EAPP: variants seen among roughly 807,000 people sequenced by gnomAD.
EAPP encodes the protein E2F associated phosphoprotein.
A neutral mutation model predicts 34.3 loss-of-function variants in EAPP; 38 were observed. That is an observed-to-expected ratio of 1.11 (90% confidence interval 0.85 to 1.45). The LOEUF (loss-of-function observed/expected upper bound fraction) is 1.45, where lower values mean the gene tolerates loss of function less well. EAPP is among the 40% of genes most tolerant of loss of function. EAPP has a pLI of 0.00. For missense variants in EAPP, 338 were observed against 343.7 expected (o/e 0.98, Z 0.13); for synonymous variants, 113 against 117.6 (o/e 0.96, Z 0.25).
intron 5 of EAPP, among the ~76,000 whole-genome samples, chr14:34,523,476 C>T (rs1010880915): frequency 5.3e-5 from 8 of 151,246 alleles, no homozygotes; most frequent in Non-Finnish European, 8.8e-5. Context: ...CCGCCCACCT[C>T]GGTCTCCCAA....
chr14:34,524,659 G>GTGTGTGTA (rs778166030), intron 5 of EAPP, 38 bp downstream of exon 5: 2 of 805,732 alleles, frequency 2.5e-6, no homozygotes, highest in South Asian at 3.1e-5. Flanking sequence ...AAATATGTAT[G>GTGTGTGTA]TGTGTGTGTG....
At chr14:34,519,533 CAAAA>C (rs879761615) in intron 5 of EAPP, among the ~76,000 whole-genome samples, 1 of 113,490 alleles carries the variant, frequency 8.8e-6, no homozygotes, top group East Asian at 2.5e-4. Context: ...GACTCCCTCT[CAAAA>C]AAAAAAAAAA....
At chr14:34,528,389 TA>T (rs1481512448) in intron 4 of EAPP, among the ~76,000 whole-genome samples, 2 of 145,500 alleles carry the variant, frequency 1.4e-5, no homozygotes, top group Non-Finnish European at 3.0e-5. Context: ...AACAATTTGC[TA>T]AATCCACTCT....
intron 3 of EAPP, among the ~76,000 whole-genome samples, chr14:34,530,718 T>C (rs551085079): frequency 2.6e-5 from 4 of 151,664 alleles, no homozygotes; most frequent in Admixed American, 6.6e-5. Context: ...AAATTATTTA[T>C]GATGTATGAA....
chr14:34,530,509 A>G (rs28367910), intron 3 of EAPP, among the ~76,000 whole-genome samples: 52,740 of 152,032 alleles, frequency 0.35, 9,437 homozygotes, highest in Non-Finnish European at 0.4. Flanking sequence ...GAGACTGGGT[A>G]AGAGTGAGAC....
In EAPP at chr14:34,537,890, T is replaced by C. The variant is rs74845353; in HGVS notation, c.75-1615A>G. Among the ~76,000 whole-genome samples, 893 of 152,316 alleles carry C rather than the reference T, an allele frequency of 5.9e-3. 5 individuals carry two copies. The highest frequency in any genetic ancestry group is 0.02 in the African/African-American group (823 of 41,562). ...GTTAACAGGCTACAATGTATTAGTT[T>C]ATAAACAGTGTAAAATTAAATACTG... On this transcript the variant is annotated intron_variant, in intron 1 of 5. Coordinates refer to ENST00000250454, the MANE Select transcript of EAPP (RefSeq NM_018453.4).
chr14:34,533,321 C>CTGTAATGAAATT lies in EAPP; in HGVS notation c.352+122_352+123insAATTTCATTACA, dbSNP rs1880356376. The stretch of plus-strand genomic sequence containing the variant: ...AAGTGCTGCCATTACAGGTGTGAGC[C>CTGTAATGAAATT]ACCATGCCTAGCTGTAATTTCTTAA... On this transcript the variant is annotated intron_variant, in intron 3 of 5. Transcript: ENST00000250454. The CTGTAATGAAATT allele has an allele frequency of 6.5e-6, 5 of 763,742 alleles. 1 individual carries two copies. Among genetic ancestry groups the CTGTAATGAAATT allele is most frequent in the Non-Finnish European group, 1.1e-5 (5 of 464,360 alleles). The allele number at this position is 763,742 out of a possible 1,614,324, so 47.3% of individuals were successfully genotyped here.
intron 2 of EAPP, among the ~76,000 whole-genome samples, chr14:34,535,667 C>T (rs11848162): frequency 0.025 from 3,641 of 144,658 alleles, 161 homozygotes; most frequent in African/African-American, 0.09. Context: ...CTCCTGACCT[C>T]GTGATCCGCC....
rs758491812 is a variant in EAPP, at chr14:34,539,653, TC to T, written c.-26del. On this transcript the variant is annotated 5_prime_UTR_variant, in exon 1 of 6. Transcript: ENST00000250454. ...TGGTGGCCTGCAGCGGCCTACACCG[TC>T]CACAAGCAATTTGCAGCGTCTCTGT... 10 of 1,521,728 alleles carry T rather than the reference TC, an allele frequency of 6.6e-6. No individual in the cohort carries two copies. The highest frequency in any genetic ancestry group is 8.8e-6 in the Non-Finnish European group (10 of 1,136,606). 94.3% of individuals were successfully genotyped at this position (1,521,728 alleles called of 1,614,324 possible).
chr14:34,534,075 A>AT (rs1880383558), intron 2 of EAPP, among the ~76,000 whole-genome samples: 2 of 150,046 alleles, frequency 1.3e-5, no homozygotes, highest in Admixed American at 6.7e-5. Context: ...ATGCTTTCAG[A>AT]TTTTTCCAGC....
chr14:34,528,887 A>T (rs1880183157), intron 4 of EAPP, among the ~76,000 whole-genome samples: 1 of 151,976 alleles, frequency 6.6e-6, no homozygotes, highest in South Asian at 2.1e-4. Context: ...CTGTAATCCC[A>T]GCACTTTGGG....
At chr14:34,526,375 C>G (rs1479323118) in intron 4 of EAPP, among the ~76,000 whole-genome samples, 3 of 151,694 alleles carry the variant, frequency 2.0e-5, no homozygotes, top group African/African-American at 7.3e-5. Flanking sequence ...TCACAGTGAG[C>G]CGAAATTGCG....
Position 34,539,653 on chromosome 14 carries a change from T to C in EAPP, c.-25A>G. The C allele has an allele frequency of 1.3e-6, 2 of 1,521,848 alleles. No individual in the cohort carries two copies. Among genetic ancestry groups the C allele is most frequent in the South Asian group, 1.3e-5 (1 of 79,380 alleles). 94.3% of individuals were successfully genotyped at this position (1,521,848 alleles called of 1,614,324 possible). A position where few individuals can be genotyped will look rare whatever the true frequency, so the allele number is the denominator to read the frequency against. Reference sequence around the variant, plus strand: ...TGGTGGCCTGCAGCGGCCTACACCGTCCACAAGCAATTTGCAGCGTCTCTG... The same window carrying C: ...TGGTGGCCTGCAGCGGCCTACACCGCCCACAAGCAATTTGCAGCGTCTCTG... On this transcript the variant is annotated 5_prime_UTR_variant, in exon 1 of 6. Transcript: ENST00000250454.
intron 5 of EAPP, among the ~76,000 whole-genome samples, chr14:34,518,416 C>A (rs150601347): frequency 7.4e-6 from 1 of 135,622 alleles, no homozygotes. Context: ...CTCACTGCAA[C>A]CTTCACCTCC....
At chr14:34,524,408 ATATC>A (rs549662648) in intron 5 of EAPP, among the ~76,000 whole-genome samples, 18 of 151,822 alleles carry the variant, frequency 1.2e-4, no homozygotes, top group Admixed American at 1.1e-3. Context: ...AAACAAAACT[ATATC>A]TATCTATCTA....
intron 3 of EAPP, among the ~76,000 whole-genome samples, chr14:34,532,808 G>A (rs974580596): frequency 2.6e-5 from 4 of 151,546 alleles, no homozygotes; most frequent in African/African-American, 4.9e-5. Context: ...CTGAGTAGCC[G>A]GGATTACAGG....
intron 4 of EAPP, among the ~76,000 whole-genome samples, chr14:34,525,521 TC>T (rs1398037154): frequency 7.9e-5 from 12 of 152,200 alleles, no homozygotes; most frequent in Admixed American, 2.6e-4. Context: ...CAGAGGGGCC[TC>T]CTACATAGAC....
Position 34,516,532 on chromosome 14 carries a change from A to C in EAPP, c.636T>G (p.Ile212Met), listed in dbSNP as rs1395127659. 1 of 1,613,948 alleles carries C rather than the reference A, an allele frequency of 6.2e-7. No homozygotes were observed. Among genetic ancestry groups the C allele is most frequent in the Non-Finnish European group, 8.5e-7 (1 of 1,179,974 alleles). Residue 212 changes from isoleucine (I) to methionine (M), a missense_variant, in exon 6 of 6, where the codon ATT becomes ATG. Transcript: ENST00000250454. Reference sequence around the variant, plus strand: ...TATATCTTAGAACCTCCTCTTTGTTAATAGAACAATTCATTACAAACATTG... The same window carrying C: ...TATATCTTAGAACCTCCTCTTTGTTCATAGAACAATTCATTACAAACATTG... ...YRAMFVMNCS[I>M]NKEEVLRYKA...
chr14:34,529,206 T>C lies in EAPP; in HGVS notation c.470+152A>G, dbSNP rs950965317. On this transcript the variant is annotated intron_variant, in intron 4 of 5. Coordinates refer to ENST00000250454, the MANE Select transcript of EAPP (RefSeq NM_018453.4). ...TAAAATTTGCTGGTTATTTTCAAAA[T>C]AAACTACTGAGCAGTTTTTTCCTCT... 19 of 577,824 alleles carry C rather than the reference T, an allele frequency of 3.3e-5. No individual in the cohort carries two copies. In the Admixed American group the frequency reaches 4.4e-4, roughly 13 times the overall value. 35.8% of individuals were successfully genotyped at this position (577,824 alleles called of 1,614,324 possible).
Sources: allele counts gnomAD v4.1 joint callset (sites outside exome capture counted in the v4.1 genomes callset), GRCh38; gene constraint gnomAD v4.1.1; transcripts MANE v1.5; gene names NCBI Gene and HGNC (gene_info 2026-07-23, HGNC 2026-07-21).